The following ZC3H15 variants were observed in gnomAD, a reference collection of about 807,000 sequenced individuals.
ZC3H15 encodes the protein zinc finger CCCH-type containing 15.
A neutral mutation model predicts 51.2 loss-of-function variants in ZC3H15; 15 were observed. The ratio of observed to expected loss-of-function variants is 0.29; its 90% CI spans 0.20 to 0.45. ZC3H15 has a LOEUF of 0.45. Among genes scored for constraint, ZC3H15 ranks in the 20% least tolerant of loss-of-function variants. The pLI is 1.00. For synonymous variants in ZC3H15, 144 were observed against 162.8 expected (o/e 0.88, Z 0.88); for missense variants, 381 against 494.7 (o/e 0.77, Z 2.18).
rs1341053901 is a variant in ZC3H15, at chr2:186,500,037, T to C, written c.178-145T>C. 1.1e-5 allele frequency: 7 copies of C among 659,582 alleles called. No homozygotes were observed. In the East Asian group the frequency reaches 1.7e-4, roughly 16 times the overall value. 40.9% of individuals were successfully genotyped at this position (659,582 alleles called of 1,614,324 possible). On this transcript the variant is annotated intron_variant, in intron 2 of 9. Coordinates refer to ENST00000337859, the MANE Select transcript of ZC3H15 (RefSeq NM_018471.3). ...TTAATAGTTTAACCACAACATTGAA[T>C]AGACTCTGTAAGGCCATTATAACAC...
intron 4 of ZC3H15, among the ~76,000 whole-genome samples, chr2:186,501,900 T>A (rs1427146457): frequency 6.6e-6 from 1 of 151,968 alleles, no homozygotes; most frequent in Non-Finnish European, 1.5e-5. Context: ...TTAGTAGAGA[T>A]GGGGTTTCAC....
intron 6 of ZC3H15, among the ~76,000 whole-genome samples, chr2:186,504,778 A>G (rs1685442181): frequency 6.6e-6 from 1 of 152,224 alleles, no homozygotes; most frequent in Non-Finnish European, 1.5e-5. Context: ...AGGGTTGCAT[A>G]TTAAAAACTA....
chr2:186,490,293 A>G (rs1327648374), intron 1 of ZC3H15, among the ~76,000 whole-genome samples: 2 of 152,212 alleles, frequency 1.3e-5, no homozygotes, highest in African/African-American at 4.8e-5. Flanking sequence ...GTATTGAGCA[A>G]TAGAAAGTTT....
chr2:186,492,851 C>G (rs1217583818), intron 1 of ZC3H15, among the ~76,000 whole-genome samples: 4 of 152,114 alleles, frequency 2.6e-5, no homozygotes, highest in African/African-American at 9.7e-5. Flanking sequence ...TTGTTTCATA[C>G]TAAATGCCAC....
At chr2:186,494,124 G>A (rs889479866) in intron 1 of ZC3H15, among the ~76,000 whole-genome samples, 17 of 151,666 alleles carry the variant, frequency 1.1e-4, no homozygotes, top group African/African-American at 3.6e-4. Flanking sequence ...CTAAATATGA[G>A]TAGATAGCCA....
intron 1 of ZC3H15, chr2:186,486,940 T>G (rs1428486113): frequency 6.4e-6 from 1 of 155,364 alleles, no homozygotes; most frequent in Non-Finnish European, 1.4e-5. Context: ...CTTGGTGGCT[T>G]TTTCGATCCA....
rs550252043 is a variant in ZC3H15 at position 186,490,417 on chromosome 2, A to T, written c.75+3960A>T. Among the ~76,000 whole-genome samples, 5 of 152,334 alleles carry T rather than the reference A, an allele frequency of 3.3e-5. No homozygotes were observed. The East Asian group carries it at 9.6e-4, about 29-fold the overall frequency. The stretch of plus-strand genomic sequence containing the variant: ...ATAGGGACCTATAGAGACAGGATCC[A>T]GGTGTCGTGAAAGATGGAGCAAGAG... On this transcript the variant is annotated intron_variant, in intron 1 of 9. Transcript: ENST00000337859.
rs1054301757 is a variant in ZC3H15 at position 186,499,854 on chromosome 2, A to G, written c.178-328A>G. On this transcript the variant is annotated intron_variant, in intron 2 of 9. Coordinates refer to ENST00000337859, the MANE Select transcript of ZC3H15 (RefSeq NM_018471.3). Reference sequence around the variant, plus strand: ...TTTGCTTGTCTCATCTTCAAAATGAACCTGTACGTTTCTGGGGAGTGGGTT... The same window carrying G: ...TTTGCTTGTCTCATCTTCAAAATGAGCCTGTACGTTTCTGGGGAGTGGGTT... Among the ~76,000 whole-genome samples the G allele has an allele frequency of 3.3e-5, 5 of 152,314 alleles. No individual in the cohort carries two copies. In the South Asian group the frequency reaches 1.0e-3, roughly 32 times the overall value.
At chr2:186,497,498 G>C (rs1336709307) in intron 2 of ZC3H15, among the ~76,000 whole-genome samples, 1 of 152,184 alleles carries the variant, frequency 6.6e-6, no homozygotes, top group Non-Finnish European at 1.5e-5. Context: ...ACTTGGGTGT[G>C]AATCTTCCTA....
intron 1 of ZC3H15, among the ~76,000 whole-genome samples, chr2:186,493,799 C>T (rs1053795039): frequency 6.6e-6 from 1 of 150,982 alleles, no homozygotes; most frequent in Non-Finnish European, 1.5e-5. Context: ...GTCACTCTGT[C>T]TTCACATTTC....
At chr2:186,506,953 G>A (rs1335477202) in intron 9 of ZC3H15, 117 bp downstream of exon 9, 1 of 1,142,990 alleles carries the variant, frequency 8.7e-7, no homozygotes, top group Non-Finnish European at 1.2e-6. Context: ...TAAATGTGTG[G>A]TTTGACCATA....
intron 1 of ZC3H15, among the ~76,000 whole-genome samples, chr2:186,493,082 C>CCTA (rs1486240820): frequency 4.0e-5 from 6 of 150,884 alleles, no homozygotes; most frequent in Non-Finnish European, 8.8e-5. Flanking sequence ...TAGGAGTGTG[C>CCTA]CTGTAAGAAG....
intron 3 of ZC3H15, 116 bp downstream of exon 3, chr2:186,500,409 G>A (rs755943660): frequency 1.1e-6 from 1 of 911,836 alleles, no homozygotes. Flanking sequence ...GAATGAAAAT[G>A]TTACTCCATC....
intron 6 of ZC3H15, among the ~76,000 whole-genome samples, chr2:186,504,786 CTA>C (rs1685442357): frequency 1.3e-5 from 2 of 152,196 alleles, no homozygotes; most frequent in Non-Finnish European, 2.9e-5. Flanking sequence ...ATATTAAAAA[CTA>C]TATCCATTTT....
chr2:186,500,386 G>A lies in ZC3H15; in HGVS notation c.289+93G>A, dbSNP rs529501452. The A allele has an allele frequency of 4.7e-5, 50 of 1,070,458 alleles. No individual in the cohort carries two copies. The Middle Eastern group carries it at 1.2e-3, about 25-fold the overall frequency. The allele number at this position is 1,070,458 out of a possible 1,614,324, so 66.3% of individuals were successfully genotyped here. A position where few individuals can be genotyped will look rare whatever the true frequency, so the allele number is the denominator to read the frequency against. On this transcript the variant is annotated intron_variant, in intron 3 of 9. Transcript: ENST00000337859. ...GATGTTTATTTTCTTTAGATAATGA[G>A]ACAGTTATGTCTGAATGAAAATGTT...
chr2:186,486,331 C>A lies in ZC3H15; in HGVS notation c.-52C>A, dbSNP rs1238327618. ...CTCGTCCTGCCGCAGGGCCAGAACC[C>A]CTGACGGTATTCAGCTGCGCGTAAG... On this transcript the variant is annotated 5_prime_UTR_variant, in exon 1 of 10. Coordinates refer to ENST00000337859, the MANE Select transcript of ZC3H15 (RefSeq NM_018471.3). The A allele has an allele frequency of 6.7e-7, 1 of 1,495,686 alleles. No homozygotes were observed. Among genetic ancestry groups the A allele is most frequent in the African/African-American group, 1.4e-5 (1 of 71,328 alleles). The allele number at this position is 1,495,686 out of a possible 1,614,324, so 92.7% of individuals were successfully genotyped here.
intron 1 of ZC3H15, among the ~76,000 whole-genome samples, chr2:186,491,508 TC>T (rs1229201780): frequency 9.2e-5 from 14 of 152,034 alleles, no homozygotes; most frequent in Non-Finnish European, 1.9e-4. Context: ...GCCTCTAGAG[TC>T]CTTGCTGTCC....
intron 6 of ZC3H15, 44 bp from the exon 7 acceptor site, chr2:186,505,407 G>T: frequency 6.6e-7 from 1 of 1,509,040 alleles, no homozygotes; most frequent in African/African-American, 1.4e-5. Context: ...AGCACTATTT[G>T]AGGTGACTTC....
At chr2:186,488,315 GT>G (rs1477110849) in intron 1 of ZC3H15, among the ~76,000 whole-genome samples, 1 of 152,096 alleles carries the variant, frequency 6.6e-6, no homozygotes, top group Non-Finnish European at 1.5e-5. Context: ...CACTAAATTT[GT>G]TTTGTGCCTC....
Sources: gnomAD v4.1 joint callset for allele counts (sites outside exome capture counted in the v4.1 genomes callset) on GRCh38, gnomAD v4.1.1 for gene constraint, MANE v1.5 for transcripts, NCBI Gene and HGNC (gene_info 2026-07-23, HGNC 2026-07-21) for gene names.